The following ANXA9 variants were observed in gnomAD, a reference collection of about 807,000 sequenced individuals.
The protein encoded by ANXA9 is annexin A9.
Under a neutral mutation model 51.8 loss-of-function variants are expected in ANXA9, and 47 were observed. That is an observed-to-expected ratio of 0.91 (90% CI 0.72 to 1.16). The LOEUF is 1.16. Ranked by LOEUF, ANXA9 falls within the 50% of genes most tolerant of loss-of-function variation. The pLI is 0.00. For missense variants in ANXA9, 361 were observed against 424.7 expected (o/e 0.85, Z 1.32); for synonymous variants, 154 against 168.7 (o/e 0.91, Z 0.68).
intron 7 of ANXA9, 34 bp downstream of exon 7, chr1:150,984,710 G>C: frequency 6.3e-7 from 1 of 1,584,162 alleles, no homozygotes. Context: ...CCAGATGCTG[G>C]AGAAGGGGCT....
At chr1:150,987,727 C>CAAAAAAAA (rs373848570) in intron 9 of ANXA9, 145 bp from the exon 10 acceptor site, 1 of 479,332 alleles carries the variant, frequency 2.1e-6, no homozygotes. Context: ...GAGTCCTTCT[C>CAAAAAAAA]AAAAAAAAAA....
In ANXA9 at chr1:150,995,389, A is replaced by AG; in HGVS notation, c.*68dup. ...ATTTCCGTGTTTGGCTGAACCTGGG[A>AG]GACCAGCTGGGCCTCCAAGTAGGAT... is the stretch of plus-strand genomic sequence containing the variant. On this transcript the variant is annotated 3_prime_UTR_variant, in exon 14 of 14. Transcript: ENST00000368947. 1 of 1,498,390 alleles carries AG rather than the reference A, an allele frequency of 6.7e-7. No homozygotes were observed. The highest frequency in any genetic ancestry group is 9.1e-7 in the Non-Finnish European group (1 of 1,104,192). The allele number at this position is 1,498,390 out of a possible 1,614,324, so 92.8% of individuals were successfully genotyped here. A position where few individuals can be genotyped will look rare whatever the true frequency, so the allele number is the denominator to read the frequency against.
chr1:150,989,689 A>T (rs760059958), intron 12 of ANXA9, among the ~76,000 whole-genome samples: 2 of 152,136 alleles, frequency 1.3e-5, no homozygotes, highest in Admixed American at 6.5e-5. Flanking sequence ...AGACTAAAAA[A>T]GTAGTTATCA....
chr1:150,984,213 A>G lies in ANXA9; in HGVS notation c.268-68A>G, dbSNP rs1005107932. 18 of 1,551,154 alleles carry G rather than the reference A, an allele frequency of 1.2e-5. No homozygotes were observed. The Admixed American group carries it at 2.6e-4, about 22-fold the overall frequency. On this transcript the variant is annotated intron_variant, in intron 5 of 13. Transcript: ENST00000368947. ...ATGAAAACCAGCCAAATCTTCCCAA[A>G]CCTCCCCACACTTCTGGGGCCCTTC...
intron 4 of ANXA9, 65 bp downstream of exon 4, chr1:150,983,499 C>A: frequency 7.0e-7 from 1 of 1,433,696 alleles, no homozygotes; most frequent in South Asian, 1.3e-5. Flanking sequence ...CAAGGAGGAG[C>A]CAGGAAGGAG....
intron 12 of ANXA9, among the ~76,000 whole-genome samples, chr1:150,989,541 A>C (rs1160566122): frequency 6.6e-6 from 1 of 151,994 alleles, no homozygotes; most frequent in Non-Finnish European, 1.5e-5. Context: ...AAATACAAAA[A>C]TTAGCCAGGC....
At chr1:150,984,252 C>T (rs746293734) in intron 5 of ANXA9, 29 bp from the exon 6 acceptor site, 3 of 1,596,610 alleles carry the variant, frequency 1.9e-6, no homozygotes, top group East Asian at 4.5e-5. Context: ...TCACCCCCGT[C>T]CCTCTGCTGT....
intron 7 of ANXA9, 139 bp downstream of exon 7, chr1:150,984,815 C>A: frequency 1.6e-6 from 1 of 643,264 alleles, no homozygotes; most frequent in Non-Finnish European, 2.6e-6. Flanking sequence ...TTTCCTCTTG[C>A]CCCCACCAGT....
chr1:150,990,908 G>T (rs985915693), intron 12 of ANXA9, among the ~76,000 whole-genome samples: 3 of 152,066 alleles, frequency 2.0e-5, no homozygotes, highest in Non-Finnish European at 2.9e-5. Context: ...ACTTTGGGAG[G>T]CCAAGGCGGG....
upstream of ANXA9, among the ~76,000 whole-genome samples, chr1:150,981,830 C>A (rs1671420363): frequency 6.6e-6 from 1 of 152,222 alleles, no homozygotes; most frequent in South Asian, 2.1e-4. Context: ...TGGGCTGGGA[C>A]CCCCTCTGGG....
At position 150,986,424 on chromosome 1, in the gene ANXA9, G is replaced by T; in HGVS notation, c.552+9G>T. 6.2e-7 allele frequency: 1 copy of T among 1,613,626 alleles called. No homozygotes were observed. ...TGTTGGCCCTGGCCAAGGTGAGGAGGACTGACCTGCAAGGAAGGGAGTCAC... is the reference window on the plus strand; with the variant it reads ...TGTTGGCCCTGGCCAAGGTGAGGAGTACTGACCTGCAAGGAAGGGAGTCAC... On this transcript the variant is annotated intron_variant, in intron 8 of 13. Coordinates refer to ENST00000368947, the MANE Select transcript of ANXA9 (RefSeq NM_003568.3).
rs1671432570 is a variant in ANXA9 at position 150,982,481 on chromosome 1, G to C, written c.-113-6G>C. 6.6e-6 allele frequency: 1 copy of C among 152,342 alleles called. No individual in the cohort carries two copies. The highest frequency in any genetic ancestry group is 2.1e-4 in the South Asian group (1 of 4,838). The allele number at this position is 152,342 out of a possible 1,614,324, so 9.4% of individuals were successfully genotyped here. ...TCCAACATGAGAGTGCCTCCTTTCT[G>C]TCCAGGCATCCACGTACTTGCAAGA... On this transcript the variant is annotated splice_region_variant and splice_polypyrimidine_tract_variant and intron_variant, in intron 1 of 13. Transcript: ENST00000368947.
chr1:150,993,241 A>G (rs1335334496), intron 12 of ANXA9, among the ~76,000 whole-genome samples: 1 of 151,862 alleles, frequency 6.6e-6, no homozygotes, highest in East Asian at 1.9e-4. Context: ...AAAATCTCTC[A>G]TAACAACACA....
intron 4 of ANXA9, among the ~76,000 whole-genome samples, chr1:150,983,725 C>T (rs766655155): frequency 1.3e-5 from 2 of 152,132 alleles, no homozygotes; most frequent in Non-Finnish European, 2.9e-5. Flanking sequence ...CTAGGTCAGC[C>T]GATCCCCCCA....
intron 7 of ANXA9, among the ~76,000 whole-genome samples, chr1:150,985,713 T>C (rs1671540176): frequency 6.6e-6 from 1 of 152,044 alleles, no homozygotes; most frequent in African/African-American, 2.4e-5. Context: ...ACTACAGGTG[T>C]GCCACCACCA....
chr1:150,995,352 C>A lies in ANXA9; in HGVS notation c.*30C>A. ...TCCCTGCCCCACCCCACATGACATC[C>A]GAGGATCTGAGATTTCCGTGTTTGG... On this transcript the variant is annotated 3_prime_UTR_variant, in exon 14 of 14. Coordinates refer to ENST00000368947, the MANE Select transcript of ANXA9 (RefSeq NM_003568.3). 6.3e-7 allele frequency: 1 copy of A among 1,576,884 alleles called. No individual in the cohort carries two copies. Among genetic ancestry groups the A allele is most frequent in the Non-Finnish European group, 8.6e-7 (1 of 1,160,656 alleles).
intron 7 of ANXA9, among the ~76,000 whole-genome samples, chr1:150,985,005 A>G (rs1671515276): frequency 1.3e-5 from 2 of 151,922 alleles, no homozygotes; most frequent in Non-Finnish European, 2.9e-5. Flanking sequence ...TGTGCTAAAA[A>G]TTCAAAAAAA....
upstream of ANXA9, among the ~76,000 whole-genome samples, chr1:150,980,572 C>CTT (rs869295630): frequency 0.02 from 1,746 of 89,080 alleles, 17 homozygotes; most frequent in Non-Finnish European, 0.025. Context: ...ACACAGATTA[C>CTT]TTTTTTTTTT....
chr1:150,993,633 CTTTT>C (rs35186445), intron 12 of ANXA9, among the ~76,000 whole-genome samples: 3 of 104,168 alleles, frequency 2.9e-5, no homozygotes, highest in Non-Finnish European at 3.7e-5. Flanking sequence ...TTCTTTCTTT[CTTTT>C]TTTTTTTTTT....
Sources: gnomAD v4.1 joint callset for allele counts (sites outside exome capture counted in the v4.1 genomes callset) on GRCh38, gnomAD v4.1.1 for gene constraint, MANE v1.5 for transcripts, NCBI Gene and HGNC (gene_info 2026-07-23, HGNC 2026-07-21) for gene names.